The following CNTNAP5 variants were observed in gnomAD, a reference collection of about 807,000 sequenced individuals.
The protein encoded by CNTNAP5 is contactin-associated protein-like 5.
In CNTNAP5, 72 loss-of-function variants were observed where a neutral mutation model predicts 150.2. That is an observed-to-expected ratio of 0.48 (90% CI 0.40 to 0.58). CNTNAP5 has a LOEUF of 0.58. Ranked by LOEUF, CNTNAP5 falls within the 20% of genes least tolerant of loss-of-function variation. The pLI, the probability that CNTNAP5 is intolerant of heterozygous loss-of-function variation, is 0.00. For synonymous variants in CNTNAP5, 672 were observed against 619.8 expected, an observed-to-expected ratio of 1.08 and a Z score of -1.25; for missense variants, 1,636 against 1,626.2, an observed-to-expected ratio of 1.01 and a Z score of -0.10.
chr2:124,749,717 T>C (rs1036664740), intron 14 of CNTNAP5, among the ~76,000 whole-genome samples: 7 of 152,144 alleles, frequency 4.6e-5, no homozygotes, highest in African/African-American at 1.4e-4. Flanking sequence ...CCCGGCAGAC[T>C]CTGAGTCCTT....
intron 1 of CNTNAP5, among the ~76,000 whole-genome samples, chr2:124,132,357 T>C (rs1276773515): frequency 6.6e-6 from 1 of 152,216 alleles, no homozygotes; most frequent in Non-Finnish European, 1.5e-5. Context: ...GTTTGATATT[T>C]AAGTGAGCTG....
intron 13 of CNTNAP5, among the ~76,000 whole-genome samples, chr2:124,681,098 A>G (rs1021210198): frequency 2.6e-5 from 4 of 151,476 alleles, no homozygotes; most frequent in African/African-American, 9.7e-5. Flanking sequence ...CAGCCTGGCC[A>G]ACATAGTGAA....
chr2:124,396,915 A>G (rs192957443), intron 3 of CNTNAP5, among the ~76,000 whole-genome samples: 16 of 152,330 alleles, frequency 1.1e-4, no homozygotes, highest in Admixed American at 2.0e-4. Context: ...GTCTTGAACT[A>G]TGACAATCTG....
At chr2:124,124,893 T>C (rs1435806627) in intron 1 of CNTNAP5, among the ~76,000 whole-genome samples, 2 of 152,178 alleles carry the variant, frequency 1.3e-5, no homozygotes, top group Admixed American at 1.3e-4. Context: ...AGGCCTGCCC[T>C]ACAAGAGCTT....
At chr2:124,198,581 C>G (rs1685645934) in intron 1 of CNTNAP5, among the ~76,000 whole-genome samples, 1 of 152,122 alleles carries the variant, frequency 6.6e-6, no homozygotes, top group African/African-American at 2.4e-5. Flanking sequence ...TCTCCCCACT[C>G]TAGGAGTTCC....
At chr2:124,181,761 G>A (rs1046331475) in intron 1 of CNTNAP5, among the ~76,000 whole-genome samples, 5 of 152,174 alleles carry the variant, frequency 3.3e-5, no homozygotes, top group Non-Finnish European at 7.3e-5. Context: ...CTAAGGTGAA[G>A]ATCAACTAAG....
chr2:124,237,875 A>C (rs1272774837), intron 2 of CNTNAP5, among the ~76,000 whole-genome samples: 1 of 152,102 alleles, frequency 6.6e-6, no homozygotes, highest in African/African-American at 2.4e-5. Flanking sequence ...ACAACAAAAC[A>C]CAATTGCTTA....
intron 7 of CNTNAP5, among the ~76,000 whole-genome samples, chr2:124,485,674 T>C (rs1573406206): frequency 7.0e-6 from 1 of 142,410 alleles, no homozygotes; most frequent in East Asian, 2.1e-4. Flanking sequence ...AGCATACAGA[T>C]AGCAAAGAAG....
At chr2:124,589,072 G>A (rs1573478975) in intron 11 of CNTNAP5, among the ~76,000 whole-genome samples, 1 of 152,096 alleles carries the variant, frequency 6.6e-6, no homozygotes, top group East Asian at 1.9e-4. Flanking sequence ...TATTTAAAGT[G>A]TACAGGTTAG....
intron 11 of CNTNAP5, among the ~76,000 whole-genome samples, chr2:124,584,127 A>G (rs1310477550): frequency 2.0e-5 from 3 of 152,184 alleles, no homozygotes; most frequent in African/African-American, 7.2e-5. Context: ...ACCTCCAAAC[A>G]GCCTACTTCT....
At chr2:124,847,734 G>A (rs1683078862) in intron 19 of CNTNAP5, among the ~76,000 whole-genome samples, 1 of 152,110 alleles carries the variant, frequency 6.6e-6, no homozygotes, top group African/African-American at 2.4e-5. Context: ...GCGGCTGCAA[G>A]CTAGTCCTGC....
intron 1 of CNTNAP5, among the ~76,000 whole-genome samples, chr2:124,129,106 AAAG>A (rs1485700365): frequency 1.3e-5 from 2 of 152,046 alleles, no homozygotes; most frequent in Non-Finnish European, 2.9e-5. Context: ...ACAGAAAAAA[AAAG>A]AAAGAAAGAA....
At chr2:124,547,201 C>T (rs1017734746) in intron 10 of CNTNAP5, among the ~76,000 whole-genome samples, 18 of 151,994 alleles carry the variant, frequency 1.2e-4, no homozygotes, top group Admixed American at 3.3e-4. Context: ...AATAGAGAAA[C>T]GGTGCATTGA....
At chr2:124,840,326 C>G (rs1573652769) in intron 19 of CNTNAP5, among the ~76,000 whole-genome samples, 1 of 152,062 alleles carries the variant, frequency 6.6e-6, no homozygotes, top group South Asian at 2.1e-4. Context: ...AGTGGGAAGG[C>G]TTGGGCATTA....
At chr2:124,579,809 T>G (rs1393178081) in intron 11 of CNTNAP5, among the ~76,000 whole-genome samples, 1 of 152,186 alleles carries the variant, frequency 6.6e-6, no homozygotes, top group Non-Finnish European at 1.5e-5. Context: ...GCCCTAAGTT[T>G]TGGTCACACT....
intron 6 of CNTNAP5, among the ~76,000 whole-genome samples, chr2:124,454,830 A>T (rs1471230878): frequency 6.6e-6 from 1 of 152,124 alleles, no homozygotes; most frequent in Admixed American, 6.6e-5. Flanking sequence ...AAATTAAAAA[A>T]TTTTTTGAAC....
At chr2:124,624,938 C>A (rs141439995) in intron 12 of CNTNAP5, among the ~76,000 whole-genome samples, 3 of 152,250 alleles carry the variant, frequency 2.0e-5, no homozygotes, top group Admixed American at 6.5e-5. Context: ...TCTTAGCAAT[C>A]CATGTTACAG....
chr2:124,040,403 A>T (rs1681335445), intron 1 of CNTNAP5, among the ~76,000 whole-genome samples: 1 of 152,134 alleles, frequency 6.6e-6, no homozygotes. Flanking sequence ...AGCTCCTTCA[A>T]CAATTATCTA....
At chr2:124,562,786 CA>C (rs1695924697) in intron 10 of CNTNAP5, among the ~76,000 whole-genome samples, 1 of 152,090 alleles carries the variant, frequency 6.6e-6, no homozygotes. Context: ...GGTCATTCCC[CA>C]AAAGAGAAGC....
Sources: allele counts gnomAD v4.1 joint callset (sites outside exome capture counted in the v4.1 genomes callset), GRCh38; gene constraint gnomAD v4.1.1; transcripts MANE v1.5; gene names NCBI Gene and HGNC (gene_info 2026-07-23, HGNC 2026-07-21).